PFKP: variants seen among roughly 807,000 people sequenced by gnomAD.
The protein encoded by PFKP is phosphofructokinase, platelet.
Under a neutral mutation model 94.3 loss-of-function variants are expected in PFKP, and 101 were observed. The ratio of observed to expected loss-of-function variants is 1.07; its 90% CI spans 0.91 to 1.26. PFKP has a LOEUF of 1.26. PFKP is among the 50% of genes most tolerant of loss of function. The pLI, the probability that PFKP is intolerant of heterozygous loss-of-function variation, is 0.00. For synonymous variants in PFKP, 573 were observed against 432.6 expected, an observed-to-expected ratio of 1.32 and a Z score of -4.03; for missense variants, 1,145 against 1,103.3, an observed-to-expected ratio of 1.04 and a Z score of -0.53.
intron 4 of PFKP, among the ~76,000 whole-genome samples, chr10:3,102,413 G>C (rs1835111094): frequency 7.3e-6 from 1 of 137,482 alleles, no homozygotes. Context: ...TTGTTTGATT[G>C]TTTGATTTTG....
chr10:3,117,987 C>CAT (rs1385594781), intron 14 of PFKP, among the ~76,000 whole-genome samples: 1 of 152,178 alleles, frequency 6.6e-6, no homozygotes, highest in African/African-American at 2.4e-5. Context: ...TTCCAATCAA[C>CAT]ATGAAACCTT....
rs541365008 is a variant in PFKP, at chr10:3,128,458, G to A, written c.1684-1361G>A. Among the ~76,000 whole-genome samples the A allele has an allele frequency of 2.6e-5, 4 of 152,122 alleles. No homozygotes were observed. The South Asian group carries it at 6.2e-4, about 24-fold the overall frequency. Reference sequence around the variant, plus strand: ...TGAGGAAGGTGCCTCTGTGTGTCCCGTGGCCGCTGTGACACTGACCACACA... The same window carrying A: ...TGAGGAAGGTGCCTCTGTGTGTCCCATGGCCGCTGTGACACTGACCACACA... On this transcript the variant is annotated intron_variant, in intron 16 of 21. Transcript: ENST00000381125.
intron 3 of PFKP, chr10:3,100,862 C>CAAAATAAAAAAAAT (rs754923021): frequency 1.1e-5 from 7 of 657,274 alleles, no homozygotes; most frequent in Admixed American, 5.5e-5. Flanking sequence ...GTATGTGGTG[C>CAAAATAAAAAAAAT]AAAAAAAAAA....
intron 2 of PFKP, among the ~76,000 whole-genome samples, chr10:3,086,700 G>A (rs2131451947): frequency 6.6e-6 from 1 of 152,230 alleles, no homozygotes; most frequent in East Asian, 1.9e-4. Context: ...GGGGAGGGGT[G>A]GGGAGTGAGG....
intron 1 of PFKP, among the ~76,000 whole-genome samples, chr10:3,069,973 C>G (rs191595138): frequency 1.3e-5 from 2 of 152,286 alleles, no homozygotes; most frequent in Admixed American, 1.3e-4. Context: ...ACTTTGGAAA[C>G]CAATATTATG....
At chr10:3,112,794 C>G (rs1836382070) in intron 11 of PFKP, among the ~76,000 whole-genome samples, 1 of 152,248 alleles carries the variant, frequency 6.6e-6, no homozygotes, top group Non-Finnish European at 1.5e-5. Flanking sequence ...TCTCAAATTC[C>G]TGACCTCAAA....
chr10:3,133,835 GA>G (rs1838888198), intron 19 of PFKP, among the ~76,000 whole-genome samples: 1 of 152,202 alleles, frequency 6.6e-6, no homozygotes, highest in Non-Finnish European at 1.5e-5. Flanking sequence ...CAGCTTTCAT[GA>G]AAACAGTGAT....
At chr10:3,092,983 G>A (rs1189173915) in intron 2 of PFKP, among the ~76,000 whole-genome samples, 3 of 150,274 alleles carry the variant, frequency 2.0e-5, no homozygotes, top group East Asian at 2.0e-4. Flanking sequence ...GGGTAGGGGG[G>A]TGGCCATGGA....
intron 3 of PFKP, 106 bp downstream of exon 3, chr10:3,099,458 T>A: frequency 3.4e-6 from 3 of 873,192 alleles, no homozygotes; most frequent in Non-Finnish European, 5.8e-6. Context: ...ATAGAGATTA[T>A]GTGGACAGAA....
intron 9 of PFKP, 139 bp downstream of exon 9, chr10:3,108,932 T>TC: frequency 1.5e-6 from 1 of 679,454 alleles, no homozygotes; most frequent in Non-Finnish European, 2.7e-6. Flanking sequence ...ATCTTAACGA[T>TC]CCTTGAGACC....
At chr10:3,129,123 T>C (rs1025765325) in intron 16 of PFKP, 1 of 152,198 alleles carries the variant, frequency 6.6e-6, no homozygotes, top group Non-Finnish European at 1.5e-5. Context: ...GACTGATGTA[T>C]GGGTGGGAAG....
At position 3,067,661 on chromosome 10, in the gene PFKP, G is replaced by T. The variant is rs764743989; in HGVS notation, c.66G>T (p.Gly22=). 6.5e-7 allele frequency: 1 copy of T among 1,533,518 alleles called. No homozygotes were observed. The highest frequency in any genetic ancestry group is 8.8e-7 in the Non-Finnish European group (1 of 1,139,828). The allele number at this position is 1,533,518 out of a possible 1,614,324, so 95.0% of individuals were successfully genotyped here. A position where few individuals can be genotyped will look rare whatever the true frequency, so the allele number is the denominator to read the frequency against. ...SLRKFLEHLS[G]AGKAIGVLTS... ...GGAAGTTCCTGGAGCACCTCTCCGG[G>T]GCCGGCAAGGCCATCGGCGTGCTGA... is the stretch of plus-strand genomic sequence containing the variant. Residue 22 remains glycine, a synonymous_variant, in exon 1 of 22, where the codon GGG becomes GGT. Coordinates refer to ENST00000381125, the MANE Select transcript of PFKP (RefSeq NM_002627.5).
At chr10:3,082,854 G>T (rs1833195327) in intron 2 of PFKP, among the ~76,000 whole-genome samples, 1 of 152,272 alleles carries the variant, frequency 6.6e-6, no homozygotes, top group South Asian at 2.1e-4. Flanking sequence ...TGGAATTACA[G>T]GTGCCCACCA....
rs181261481 is a variant in PFKP, at chr10:3,108,607, G to A, written c.871-94G>A. On this transcript the variant is annotated intron_variant, in intron 8 of 21. Coordinates refer to ENST00000381125, the MANE Select transcript of PFKP (RefSeq NM_002627.5). ...TCCCATTTAGATCTGAAGAAAGAGC[G>A]AAAAACCTTTTCCAGTGCCCAGTAC... 1,276 of 920,210 alleles carry A rather than the reference G, an allele frequency of 1.4e-3. 19 individuals are homozygous for A. In the East Asian group the frequency reaches 0.023, roughly 17 times the overall value. The allele number at this position is 920,210 out of a possible 1,614,324, so 57.0% of individuals were successfully genotyped here.
intron 3 of PFKP, 147 bp downstream of exon 3, chr10:3,099,499 T>G (rs2131528484): frequency 1.5e-6 from 1 of 680,150 alleles, no homozygotes; most frequent in South Asian, 1.8e-5. Flanking sequence ...TTACTTGTGG[T>G]TTGATTTTTA....
chr10:3,119,957 G>A lies in PFKP; in HGVS notation c.1596G>A (p.Met532Ile), dbSNP rs1258494344. 2 of 1,614,110 alleles carry A rather than the reference G, an allele frequency of 1.2e-6. No individual in the cohort carries two copies. Among genetic ancestry groups the A allele is most frequent in the Non-Finnish European group, 1.7e-6 (2 of 1,180,006 alleles). Reference protein sequence around the residue: ...REKHEEFCVPMVMVPATVSNN... With the variant: ...REKHEEFCVPIVMVPATVSNN... ...AGCACGAGGAGTTCTGTGTCCCCATGGTCATGGTTCCCGCTACTGTGTCCA... is the reference window on the plus strand; with the variant it reads ...AGCACGAGGAGTTCTGTGTCCCCATAGTCATGGTTCCCGCTACTGTGTCCA... Residue 532 changes from methionine (M) to isoleucine (I), a missense_variant, in exon 16 of 22, where the codon ATG becomes ATA. Physicochemically the swap from Met to Ile is conservative, Grantham distance 10 (BLOSUM62 1). Coordinates refer to ENST00000381125, the MANE Select transcript of PFKP (RefSeq NM_002627.5).
rs140434573 is a variant in PFKP at position 3,134,556 on chromosome 10, C to T, written c.2096C>T (p.Ala699Val). ...ISARAMEWIT[A>V]KLKEARGRGK... Reference sequence around the variant, plus strand: ...GCCAGAGCTATGGAGTGGATCACTGCAAAACTCAAGGAGGCCCGGGGCAGA... The same window carrying T: ...GCCAGAGCTATGGAGTGGATCACTGTAAAACTCAAGGAGGCCCGGGGCAGA... The change falls in exon 20 of 22, where the codon GCA becomes GTA. Residue 699 changes from alanine to valine, a missense_variant. This residue lies in a region of PFKP where 1,119 missense variants were observed against 1,062.8 expected (regional missense o/e 1.05). Coordinates refer to ENST00000381125, the MANE Select transcript of PFKP (RefSeq NM_002627.5). 55 of 1,613,670 alleles carry T rather than the reference C, an allele frequency of 3.4e-5. No homozygotes were observed. Among genetic ancestry groups the T allele is most frequent in the Non-Finnish European group, 4.6e-5 (54 of 1,179,640 alleles).
intron 1 of PFKP, among the ~76,000 whole-genome samples, chr10:3,078,360 GTTC>G (rs1410253391): frequency 3.3e-5 from 5 of 152,178 alleles, no homozygotes. Context: ...ATCCACCAGT[GTTC>G]TTCTCCCTCC....
intron 1 of PFKP, 80 bp from the exon 2 acceptor site, chr10:3,082,307 AC>A: frequency 1.0e-6 from 1 of 988,746 alleles, no homozygotes; most frequent in Non-Finnish European, 1.5e-6. Context: ...TAGGAAACGG[AC>A]CCATGGTCAT....
Sources: gnomAD v4.1 joint callset for allele counts (sites outside exome capture counted in the v4.1 genomes callset) on GRCh38, gnomAD v4.1.1 for gene constraint, gnomAD v4.1.1 regional missense constraint, MANE v1.5 for transcripts, NCBI Gene and HGNC (gene_info 2026-07-23, HGNC 2026-07-21) for gene names.